COMP: variants seen among roughly 807,000 people sequenced by gnomAD.
The protein encoded by COMP is cartilage oligomeric matrix protein.
COMP carries 79 observed loss-of-function variants against 95.8 expected under a neutral mutation model. The ratio of observed to expected loss-of-function variants is 0.82; its 90% confidence interval spans 0.69 to 0.99. The LOEUF (loss-of-function observed/expected upper bound fraction) is 0.99. COMP is among the 50% of genes least tolerant of loss of function. COMP has a pLI of 0.00. For missense variants in COMP, 906 were observed against 1,076.1 expected (o/e 0.84, Z 2.21); for synonymous variants, 438 against 433.9 (o/e 1.01, Z -0.12).
In COMP at chr19:18,788,250, C is replaced by A. The variant is rs754614965; in HGVS notation, c.937G>T (p.Asp313Tyr). ...VDRDGIGDAC[D>Y]PDADGDGVPN... ...ACCCCGTCCCCGTCGGCATCCGGATCGCAGGCGTCTCCGATGCCATCGCGG... is the reference window on the plus strand; with the variant it reads ...ACCCCGTCCCCGTCGGCATCCGGATAGCAGGCGTCTCCGATGCCATCGCGG... The change falls in exon 9 of 19, where the codon GAT becomes TAT. Residue 313 changes from aspartate to tyrosine, a missense_variant. Asp to Tyr is a radical substitution (Grantham distance 160). Coordinates refer to ENST00000222271, the MANE Select transcript of COMP (RefSeq NM_000095.3). This position sits in a 1 kb window ranked among gnomAD's most constrained non-coding sequence, Gnocchi z 4.7. 1 of 1,613,276 alleles carries A rather than the reference C, an allele frequency of 6.2e-7. No homozygotes were observed. Among genetic ancestry groups the A allele is most frequent in the South Asian group, 1.1e-5 (1 of 91,090 alleles).
At chr19:18,790,500 T>A (rs1172891397) in intron 3 of COMP, 62 bp downstream of exon 3, 14 of 1,600,428 alleles carry the variant, frequency 8.7e-6, no homozygotes, top group Admixed American at 5.0e-5. Context: ...TGGCTCTCTG[T>A]CTCTGTCTCT....
At chr19:18,786,344 C>T in intron 11 of COMP, 53 bp from the exon 12 acceptor site, 1 of 1,612,246 alleles carries the variant, frequency 6.2e-7, no homozygotes, top group Non-Finnish European at 8.5e-7. Flanking sequence ...AATCAGAAAG[C>T]CTCCCACCCA....
intron 10 of COMP, 130 bp downstream of exon 10, chr19:18,787,359 CTT>C (rs1324632709): frequency 3.1e-5 from 41 of 1,333,780 alleles, no homozygotes; most frequent in African/African-American, 4.3e-5. Flanking sequence ...CCACCATGGT[CTT>C]TGGTCCAGGG....
In COMP at chr19:18,783,046, C is replaced by A; in HGVS notation, c.2227+8G>T. 6.2e-7 allele frequency: 1 copy of A among 1,612,206 alleles called. No homozygotes were observed. The highest frequency in any genetic ancestry group is 8.5e-7 in the Non-Finnish European group (1 of 1,180,010). ...TCCCCGCCCACGGCCCGCTGGCCCT[C>A]GGCTCACCATTGCAGCGGTAACGCA... On this transcript the variant is annotated splice_region_variant and intron_variant, in intron 18 of 18. Coordinates refer to ENST00000222271, the MANE Select transcript of COMP (RefSeq NM_000095.3).
chr19:18,785,692 T>C lies in COMP; in HGVS notation c.1649A>G (p.Asn550Ser), dbSNP rs1182444063. 3.1e-6 allele frequency: 5 copies of C among 1,613,172 alleles called. No homozygotes were observed. In the South Asian group the frequency reaches 3.3e-5, roughly 11 times the overall value. The change falls in exon 14 of 19, where the codon AAC becomes AGC. Residue 550 changes from asparagine to serine, a missense_variant. Coordinates refer to ENST00000222271, the MANE Select transcript of COMP (RefSeq NM_000095.3). ...TCCCACCTGGTTGAGCACCACCCAG[T>C]TGGGGTCAATCTGCGCGTCACCCTC... ...DPEGDAQIDP[N>S]WVVLNQGREI...
In COMP at chr19:18,791,022, G is replaced by A; in HGVS notation, c.80-87C>T. 2.6e-6 allele frequency: 4 copies of A among 1,528,194 alleles called. No individual in the cohort carries two copies. In the South Asian group the frequency reaches 4.8e-5, roughly 18 times the overall value. The allele number at this position is 1,528,194 out of a possible 1,614,324, so 94.7% of individuals were successfully genotyped here. Reference sequence around the variant, plus strand: ...ACCGTTGCAGCGAACCCGGACCTCCGAGGCCCCACTGCGCTCCTCTAGTCT... The same window carrying A: ...ACCGTTGCAGCGAACCCGGACCTCCAAGGCCCCACTGCGCTCCTCTAGTCT... On this transcript the variant is annotated intron_variant, in intron 1 of 18. Transcript: ENST00000222271.
Position 18,791,202 on chromosome 19 carries a change from T to A in COMP, c.68A>T (p.Gln23Leu). ...CTAACGCGGCTTACCCAACGGGCTCTGGCCCTGTCCGGACGCGCCGAGGGC... is the reference window on the plus strand; with the variant it reads ...CTAACGCGGCTTACCCAACGGGCTCAGGCCCTGTCCGGACGCGCCGAGGGC... ...LAALGASGQGQSPLGSDLGPQ... is the reference protein window; with the variant it reads ...LAALGASGQGLSPLGSDLGPQ... Residue 23 changes from glutamine to leucine, a missense_variant, in exon 1 of 19, where the codon CAG becomes CTG. Transcript: ENST00000222271. 1.3e-6 allele frequency: 2 copies of A among 1,588,600 alleles called. No individual in the cohort carries two copies. The highest frequency in any genetic ancestry group is 1.7e-6 in the Non-Finnish European group (2 of 1,169,136).
In COMP at chr19:18,789,878, C is replaced by T. The variant is rs2055198530; in HGVS notation, c.390+64G>A. On this transcript the variant is annotated intron_variant, in intron 4 of 18. Transcript: ENST00000222271. This position sits in a 1 kb window ranked among gnomAD's most constrained non-coding sequence, Gnocchi z 6.1. ...CCAGTGGAGGAAGGGGTCTCCCGGG[C>T]GGCGAGAGATTGGGGGGCGGTAGAG... 10 of 1,556,280 alleles carry T rather than the reference C, an allele frequency of 6.4e-6. No homozygotes were observed. In the South Asian group the frequency reaches 1.1e-4, roughly 18 times the overall value.
At position 18,788,342 on chromosome 19, in the gene COMP, T is replaced by C. The variant is rs947502107; in HGVS notation, c.868-23A>G. The C allele has an allele frequency of 6.2e-7, 1 of 1,608,930 alleles. No individual in the cohort carries two copies. Among genetic ancestry groups the C allele is most frequent in the Non-Finnish European group, 8.5e-7 (1 of 1,179,292 alleles). On this transcript the variant is annotated intron_variant, in intron 8 of 18. Transcript: ENST00000222271. This position sits in a 1 kb window ranked among gnomAD's most constrained non-coding sequence, Gnocchi z 4.7. ...GTCCTGGGGGCGGGCACAGAAGGTGTGAGGGGCGCGGTCATGAAGTCCCGC... is the reference window on the plus strand; with the variant it reads ...GTCCTGGGGGCGGGCACAGAAGGTGCGAGGGGCGCGGTCATGAAGTCCCGC...
Position 18,789,193 on chromosome 19 carries a change from GC to G in COMP, c.494del (p.Gly165AlafsTer81). 6.4e-7 allele frequency: 1 copy of G among 1,566,744 alleles called. No homozygotes were observed. Among genetic ancestry groups the G allele is most frequent in the Non-Finnish European group, 8.6e-7 (1 of 1,162,766 alleles). ...TGGCCTTGGCGAAAGCCAGCCCCAC[GC>G]CCTGGTGGGTGGGGCCGCTGTACCC... ...PPGYSGPTHQ[G>X]VGLAFAKANK... On this transcript the variant is annotated frameshift_variant, in exon 5 of 19. Coordinates refer to ENST00000222271, the MANE Select transcript of COMP (RefSeq NM_000095.3). LOFTEE classifies it high-confidence loss of function. This position sits in a 1 kb window ranked among gnomAD's most constrained non-coding sequence, Gnocchi z 6.1.
At chr19:18,787,744 T>C in intron 9 of COMP, 94 bp from the exon 10 acceptor site, 3 of 1,558,864 alleles carry the variant, frequency 1.9e-6, no homozygotes, top group Non-Finnish European at 1.7e-6. Context: ...CGTCTCCTCC[T>C]CAAGGAACCT....
In COMP at chr19:18,789,721, A is replaced by G. The variant is rs2055197338; in HGVS notation, c.390+221T>C. ...GTCGTCGGGGCGGGCGTCACTAGCT[A>G]TGTAGGGGGTTGTGGGGGCGGGCGT... On this transcript the variant is annotated intron_variant, in intron 4 of 18. Coordinates refer to ENST00000222271, the MANE Select transcript of COMP (RefSeq NM_000095.3). The surrounding 1 kb of genome is among the most constrained non-coding windows in gnomAD (Gnocchi z 6.1). Among the ~76,000 whole-genome samples, 1 of 142,510 alleles carries G rather than the reference A, an allele frequency of 7.0e-6. No individual in the cohort carries two copies. Among genetic ancestry groups the G allele is most frequent in the Non-Finnish European group, 1.5e-5 (1 of 65,508 alleles). The allele number at this position is 142,510 out of a possible 152,430, so 93.5% of individuals were successfully genotyped here.
At position 18,782,935 on chromosome 19, in the gene COMP, G is replaced by A. The variant is rs748229763; in HGVS notation, c.2254C>T (p.His752Tyr). ...GGTCCCTAGGCTTGCCGCAGCTGAT[G>A]GGTCTCATAGTCCTCTGGGATGGTG... ...NDTIPEDYET[H>Y]QLRQA The change falls in exon 19 of 19, where the codon CAT becomes TAT. Residue 752 changes from histidine to tyrosine, a missense_variant. His to Tyr is a moderately conservative substitution (Grantham distance 83, BLOSUM62 2). Transcript: ENST00000222271. 1.2e-5 allele frequency: 19 copies of A among 1,612,328 alleles called. No homozygotes were observed. Among genetic ancestry groups the A allele is most frequent in the Middle Eastern group, 3.5e-4 (2 of 5,714 alleles).
At chr19:18,785,250 C>T (rs916429661) in intron 15 of COMP, among the ~76,000 whole-genome samples, 158 bp from the exon 16 acceptor site, 2 of 152,046 alleles carry the variant, frequency 1.3e-5, no homozygotes, top group Admixed American at 6.5e-5. Flanking sequence ...CCCCCATCTA[C>T]CATTGGCCAC....
At position 18,784,284 on chromosome 19, in the gene COMP, C is replaced by G; in HGVS notation, c.1994G>C (p.Arg665Pro). 6.2e-7 allele frequency: 1 copy of G among 1,614,082 alleles called. No homozygotes were observed. Among genetic ancestry groups the G allele is most frequent in the Non-Finnish European group, 8.5e-7 (1 of 1,180,016 alleles). Residue 665 changes from arginine to proline, a missense_variant, in exon 17 of 19, where the codon CGG becomes CCG. Arg to Pro is a moderately radical substitution (Grantham distance 103). Coordinates refer to ENST00000222271, the MANE Select transcript of COMP (RefSeq NM_000095.3). This position sits in a 1 kb window ranked among gnomAD's most constrained non-coding sequence, Gnocchi z 4.9. ...GTTTCGCGGGTCCTTCCACAGCAGC[C>G]GCACCTGGGACTCTGTGTCTCCTGT... Reference protein sequence around the residue: ...WHTGDTESQVRLLWKDPRNVG... With the variant: ...WHTGDTESQVPLLWKDPRNVG...
chr19:18,783,493 C>T (rs775279442), intron 17 of COMP, among the ~76,000 whole-genome samples: 1 of 152,144 alleles, frequency 6.6e-6, no homozygotes, highest in Non-Finnish European at 1.5e-5. Flanking sequence ...GCCAGGGTCT[C>T]GCTCTGTCAC....
At chr19:18,791,079 C>T (rs1301723889) in intron 1 of COMP, 112 bp downstream of exon 1, 5 of 1,499,382 alleles carry the variant, frequency 3.3e-6, no homozygotes, top group Non-Finnish European at 1.8e-6. Flanking sequence ...GCGCCCGGCA[C>T]GTCCCCTACG....
chr19:18,790,195 G>T, intron 3 of COMP, 81 bp from the exon 4 acceptor site: 2 of 1,115,990 alleles, frequency 1.8e-6, no homozygotes, highest in South Asian at 1.6e-5. Flanking sequence ...CACGCCCCGG[G>T]GCTGGAGGCT....
Position 18,786,569 on chromosome 19 carries a change from G to A in COMP, c.1217C>T (p.Ala406Val). ...KDSDGDGIGD[A>V]CDNCPQKSNP... is the part of the protein sequence containing the mutation. ...GCTCTTCTGGGGACAGTTGTCACAG[G>A]CATCCCCTATACCATCGCCATCACT... The change falls in exon 11 of 19, where the codon GCC becomes GTC. Residue 406 changes from alanine (A) to valine (V), a missense_variant. Ala to Val is a moderately conservative substitution (Grantham distance 64). Transcript: ENST00000222271. The A allele has an allele frequency of 1.2e-6, 2 of 1,614,066 alleles. No homozygotes were observed. Among genetic ancestry groups the A allele is most frequent in the Non-Finnish European group, 1.7e-6 (2 of 1,179,996 alleles).
Sources: allele counts gnomAD v4.1 joint callset (sites outside exome capture counted in the v4.1 genomes callset), GRCh38; gene constraint gnomAD v4.1.1; non-coding constraint Gnocchi (gnomAD v3.1); transcripts MANE v1.5; gene names NCBI Gene and HGNC (gene_info 2026-07-23, HGNC 2026-07-21).